Variants in IQGAP1 observed in about 807,000 individuals in gnomAD.
The protein encoded by IQGAP1 is ras GTPase-activating-like protein IQGAP1.
In IQGAP1, 66 loss-of-function variants were observed where a neutral mutation model predicts 215.6. That is an observed-to-expected ratio of 0.31 (90% CI 0.25 to 0.38). IQGAP1 has a LOEUF of 0.38. Among genes scored for constraint, IQGAP1 ranks in the 10% least tolerant of loss-of-function variants. The probability of loss-of-function intolerance (pLI) is 1.00; values close to 1 mark genes in which losing one functional copy is unlikely to be tolerated. For missense variants in IQGAP1, 1,712 were observed against 1,997.1 expected, an observed-to-expected ratio of 0.86 and a Z score of 2.72; for synonymous variants, 772 against 728.7, an observed-to-expected ratio of 1.06 and a Z score of -0.96.
rs892480613 is a variant in IQGAP1, at chr15:90,501,961, C to G, written c.*1853C>G. The G allele has an allele frequency of 6.6e-6, 1 of 152,400 alleles. No individual in the cohort carries two copies. The highest frequency in any genetic ancestry group is 1.5e-5 in the Non-Finnish European group (1 of 68,040). The allele number at this position is 152,400 out of a possible 1,614,324, so 9.4% of individuals were successfully genotyped here. The stretch of plus-strand genomic sequence containing the variant: ...ATGCAGAATAGTGTAAAATGCGCTT[C>G]AAGAATGTTGATGATGATGATATAG... On this transcript the variant is annotated 3_prime_UTR_variant, in exon 38 of 38. Transcript: ENST00000268182.
In IQGAP1 at chr15:90,388,389, C is replaced by A; in HGVS notation, c.48C>A (p.His16Gln). Residue 16 changes from histidine (H) to glutamine (Q), a missense_variant, in exon 1 of 38, where the codon CAC becomes CAA. His to Gln is a conservative substitution (Grantham distance 24). Coordinates refer to ENST00000268182, the MANE Select transcript of IQGAP1 (RefSeq NM_003870.4). Reference protein sequence around the residue: ...EVDGLGVARPHYGSVLDNERL... With the variant: ...EVDGLGVARPQYGSVLDNERL... Reference sequence around the variant, plus strand: ...ACGGGCTGGGCGTGGCCCGGCCGCACTATGGCTGTGAGTGCGGGGCTCCGC... The same window carrying A: ...ACGGGCTGGGCGTGGCCCGGCCGCAATATGGCTGTGAGTGCGGGGCTCCGC... 6.3e-7 allele frequency: 1 copy of A among 1,584,472 alleles called. No homozygotes were observed. Among genetic ancestry groups the A allele is most frequent in the Non-Finnish European group, 8.6e-7 (1 of 1,167,576 alleles).
chr15:90,475,707 T>A (rs1965969750), intron 23 of IQGAP1: 2 of 145,478 alleles, frequency 1.4e-5, no homozygotes, highest in African/African-American at 5.2e-5. Flanking sequence ...GAGCCAAGAT[T>A]GCATGACTGC....
intron 11 of IQGAP1, among the ~76,000 whole-genome samples, chr15:90,451,347 T>A (rs1348293939): frequency 1.3e-5 from 2 of 152,198 alleles, no homozygotes; most frequent in African/African-American, 4.8e-5. Context: ...TGGTGAGGGC[T>A]TTTGTGCTGC....
At chr15:90,422,384 A>C (rs1025079009) in intron 2 of IQGAP1, among the ~76,000 whole-genome samples, 1 of 151,908 alleles carries the variant, frequency 6.6e-6, no homozygotes, top group African/African-American at 2.4e-5. Flanking sequence ...ACTTCTAAGG[A>C]CCTTTACTAA....
chr15:90,416,845 G>A (rs991085312), intron 2 of IQGAP1, among the ~76,000 whole-genome samples: 4 of 152,114 alleles, frequency 2.6e-5, no homozygotes, highest in Admixed American at 2.6e-4. Context: ...CCAAAGTGCT[G>A]GGATTACAGA....
At chr15:90,459,987 C>T (rs1375015355) in intron 15 of IQGAP1, among the ~76,000 whole-genome samples, 1 of 152,064 alleles carries the variant, frequency 6.6e-6, no homozygotes, top group African/African-American at 2.4e-5. Context: ...TACAAGTCAC[C>T]AGTGAGGCCA....
intron 5 of IQGAP1, among the ~76,000 whole-genome samples, chr15:90,434,056 C>T (rs1965337204): frequency 6.6e-6 from 1 of 152,058 alleles, no homozygotes; most frequent in African/African-American, 2.4e-5. Context: ...TCTAGTATTT[C>T]TGTGAACTAT....
intron 9 of IQGAP1, among the ~76,000 whole-genome samples, chr15:90,446,845 A>T (rs1001579919): frequency 6.6e-6 from 1 of 152,210 alleles, no homozygotes; most frequent in Non-Finnish European, 1.5e-5. Context: ...ACTAAAGTTC[A>T]GTGAGAGAAA....
chr15:90,497,484 G>C, intron 37 of IQGAP1, 144 bp downstream of exon 37: 1 of 581,498 alleles, frequency 1.7e-6, no homozygotes, highest in South Asian at 2.3e-5. Flanking sequence ...GAAAGAAGCT[G>C]AGGGTTTCAG....
rs1331232685 is a variant in IQGAP1 at position 90,486,125 on chromosome 15, C to T, written c.4017C>T (p.Ser1339=). The part of the protein sequence containing the change: ...DDLGEVPTIE[S]LIGESSGNLN... Reference sequence around the variant, plus strand: ...TCGGCGAGGTGCCCACCATCGAGTCCCTGATAGGTAGAGTTCTAACTTTTG... The same window carrying T: ...TCGGCGAGGTGCCCACCATCGAGTCTCTGATAGGTAGAGTTCTAACTTTTG... Residue 1339 remains serine (S), a synonymous_variant, in exon 31 of 38, where the codon TCC becomes TCT. Transcript: ENST00000268182. 3 of 1,611,622 alleles carry T rather than the reference C, an allele frequency of 1.9e-6. No homozygotes were observed. The highest frequency in any genetic ancestry group is 1.3e-5 in the African/African-American group (1 of 74,834).
At chr15:90,435,075 CAT>C (rs1446546751) in intron 5 of IQGAP1, among the ~76,000 whole-genome samples, 1 of 152,102 alleles carries the variant, frequency 6.6e-6, no homozygotes, top group Non-Finnish European at 1.5e-5. Context: ...CTTGAGCAAA[CAT>C]GTACTAGATC....
At position 90,450,659 on chromosome 15, in the gene IQGAP1, T is replaced by C. The variant is rs549407821; in HGVS notation, c.1162+1016T>C. Among the ~76,000 whole-genome samples, 16 of 152,252 alleles carry C rather than the reference T, an allele frequency of 1.1e-4. No homozygotes were observed. The South Asian group carries it at 3.1e-3, about 30-fold the overall frequency. On this transcript the variant is annotated intron_variant, in intron 11 of 37. Transcript: ENST00000268182. ...AGCCATTTTAATTGGGGTGAGAAAGTATCTCATTGTGGTTTTGATGTGTAT... is the reference window on the plus strand; with the variant it reads ...AGCCATTTTAATTGGGGTGAGAAAGCATCTCATTGTGGTTTTGATGTGTAT...
chr15:90,472,740 A>G lies in IQGAP1; in HGVS notation c.2179-100A>G, dbSNP rs930143460. On this transcript the variant is annotated intron_variant, in intron 18 of 37. Transcript: ENST00000268182. ...CTAATGATCTAGTATAGACTTAGGA[A>G]GCAGGAGGTGTTAGCTTGTGTGCTG... 53 of 1,112,154 alleles carry G rather than the reference A, an allele frequency of 4.8e-5. No individual in the cohort carries two copies. The South Asian group carries it at 7.3e-4, about 15-fold the overall frequency. The allele number at this position is 1,112,154 out of a possible 1,614,324, so 68.9% of individuals were successfully genotyped here.
chr15:90,473,989 A>G (rs567272170), intron 21 of IQGAP1, 22 bp downstream of exon 21: 101 of 1,612,054 alleles, frequency 6.3e-5, no homozygotes, highest in Non-Finnish European at 7.9e-5. Context: ...TGGATCATAC[A>G]GGCCATTAGG....
chr15:90,432,363 C>T (rs992822346), intron 4 of IQGAP1, among the ~76,000 whole-genome samples: 3 of 152,148 alleles, frequency 2.0e-5, no homozygotes, highest in South Asian at 4.1e-4. Flanking sequence ...TCTACTGTTA[C>T]AACAGCCTCC....
intron 2 of IQGAP1, among the ~76,000 whole-genome samples, chr15:90,420,432 C>T (rs1163729477): frequency 2.0e-5 from 3 of 152,022 alleles, no homozygotes; most frequent in Admixed American, 6.6e-5. Flanking sequence ...GAATTGATGC[C>T]GGCTTAGCAA....
chr15:90,492,425 A>T (rs1966218577), intron 34 of IQGAP1, 120 bp from the exon 35 acceptor site: 1 of 773,804 alleles, frequency 1.3e-6, no homozygotes, highest in Admixed American at 3.7e-5. Flanking sequence ...TGTCTAAAAA[A>T]AAAAAAAAAA....
At position 90,467,116 on chromosome 15, in the gene IQGAP1, T is replaced by C. The variant is rs1339832460; in HGVS notation, c.2036-334T>C. Among the ~76,000 whole-genome samples the C allele has an allele frequency of 2.0e-5, 3 of 151,932 alleles. No homozygotes were observed. The East Asian group carries it at 5.8e-4, about 29-fold the overall frequency. Reference sequence around the variant, plus strand: ...GAAAAAAAAAATAATAATAATAAATTGAAAAACTGGAGAGGCTGAATGGTT... The same window carrying C: ...GAAAAAAAAAATAATAATAATAAATCGAAAAACTGGAGAGGCTGAATGGTT... On this transcript the variant is annotated intron_variant, in intron 17 of 37. Transcript: ENST00000268182.
At chr15:90,426,075 C>T (rs1465968852) in intron 2 of IQGAP1, 35 bp from the exon 3 acceptor site, 2 of 1,571,386 alleles carry the variant, frequency 1.3e-6, no homozygotes, top group African/African-American at 1.4e-5. Flanking sequence ...CTGACCTTCC[C>T]TTTCTTTTTT....
Sources: allele counts gnomAD v4.1 joint callset (sites outside exome capture counted in the v4.1 genomes callset), GRCh38; gene constraint gnomAD v4.1.1; transcripts MANE v1.5; gene names NCBI Gene and HGNC (gene_info 2026-07-23, HGNC 2026-07-21).